DHX57: variants seen among roughly 807,000 people sequenced by gnomAD.
DHX57 encodes putative ATP-dependent RNA helicase DHX57.
Under a neutral mutation model 156.2 loss-of-function variants are expected in DHX57, and 105 were observed. That is an observed-to-expected ratio of 0.67 (90% CI 0.57 to 0.79). The LOEUF (loss-of-function observed/expected upper bound fraction) is 0.79, where lower values mean the gene tolerates loss of function less well. Ranked by LOEUF, DHX57 falls within the 30% of genes least tolerant of loss-of-function variation. The probability of loss-of-function intolerance (pLI) is 0.00; values close to 1 mark genes in which losing one functional copy is unlikely to be tolerated. For missense variants in DHX57, 1,847 were observed against 1,661.9 expected (o/e 1.11, Z -1.94); for synonymous variants, 704 against 595.6 (o/e 1.18, Z -2.65).
intron 19 of DHX57, among the ~76,000 whole-genome samples, chr2:38,816,420 TGGCCA>T (rs1163937412): frequency 1.3e-5 from 2 of 151,874 alleles, no homozygotes; most frequent in Non-Finnish European, 2.9e-5. Flanking sequence ...TTCACCATGT[TGGCCA>T]GGCTGCTCTC....
intron 15 of DHX57, 50 bp from the exon 16 acceptor site, chr2:38,826,097 C>A: frequency 6.4e-7 from 1 of 1,560,362 alleles, no homozygotes. Context: ...AAAACATGGC[C>A]AAGACTGCTT....
chr2:38,813,934 G>T (rs375666982), intron 20 of DHX57, 39 bp from the exon 21 acceptor site: 64 of 1,603,406 alleles, frequency 4.0e-5, no homozygotes, highest in Non-Finnish European at 5.0e-5. Flanking sequence ...AAGTGATATG[G>T]CTATTTCTTT....
intron 13 of DHX57, among the ~76,000 whole-genome samples, chr2:38,834,943 T>C (rs977214219): frequency 6.6e-6 from 1 of 152,184 alleles, no homozygotes; most frequent in Non-Finnish European, 1.5e-5. Context: ...AAGGCATACC[T>C]GTATGAGTCA....
At chr2:38,858,897 G>C in intron 5 of DHX57, 61 bp from the exon 6 acceptor site, 2 of 1,529,690 alleles carry the variant, frequency 1.3e-6, no homozygotes, top group Non-Finnish European at 1.8e-6. Flanking sequence ...AAAGGGGAAA[G>C]TCGCTGTCTA....
At chr2:38,859,229 C>T (rs1339543340) in intron 5 of DHX57, among the ~76,000 whole-genome samples, 1 of 152,142 alleles carries the variant, frequency 6.6e-6, no homozygotes, top group Admixed American at 6.5e-5. Flanking sequence ...TGTGCTAGAA[C>T]ACGGATGAAC....
At chr2:38,803,246 G>C (rs1368468578) in intron 22 of DHX57, among the ~76,000 whole-genome samples, 1 of 152,040 alleles carries the variant, frequency 6.6e-6, no homozygotes, top group Non-Finnish European at 1.5e-5. Flanking sequence ...CCAAATTGCT[G>C]GGATTACAGG....
rs773773866 is a variant in DHX57, at chr2:38,862,304, T to A, written c.413A>T (p.Asp138Val). The change falls in exon 4 of 24, where the codon GAT becomes GTT. Residue 138 changes from aspartate to valine, a missense_variant. Asp to Val is a radical substitution (Grantham distance 152, BLOSUM62 -3). Transcript: ENST00000457308. Reference protein sequence around the residue: ...ERGLSGEEEDDEPDCCNDERY... With the variant: ...ERGLSGEEEDVEPDCCNDERY... ...CTCATCGTTACAGCAATCAGGCTCA[T>A]CATCTTCCTCCTCCCCAGAAAGGCC... The A allele has an allele frequency of 1.9e-6, 3 of 1,596,092 alleles. No individual in the cohort carries two copies. Among genetic ancestry groups the A allele is most frequent in the South Asian group, 2.3e-5 (2 of 88,796 alleles).
chr2:38,849,433 G>T (rs570705016), intron 9 of DHX57, among the ~76,000 whole-genome samples: 1 of 152,014 alleles, frequency 6.6e-6, no homozygotes, highest in South Asian at 2.1e-4. Context: ...TTGTGCTGAC[G>T]GGGTGCGGTG....
At chr2:38,799,096 G>A (rs1377620519) in intron 23 of DHX57, among the ~76,000 whole-genome samples, 1 of 152,146 alleles carries the variant, frequency 6.6e-6, no homozygotes, top group Non-Finnish European at 1.5e-5. Flanking sequence ...GGGCCCGGTG[G>A]CTCACGCCTG....
intron 13 of DHX57, among the ~76,000 whole-genome samples, chr2:38,835,437 G>C (rs893160111): frequency 1.2e-4 from 19 of 152,136 alleles, no homozygotes; most frequent in Middle Eastern, 3.2e-3. Flanking sequence ...CCCTTTTCTG[G>C]ACTGGTTCCA....
rs1210604855 is a variant in DHX57 at position 38,826,030 on chromosome 2, C to G, written c.2831G>C (p.Gly944Ala). Residue 944 changes from glycine to alanine, a missense_variant, in exon 16 of 24, where the codon GGG becomes GCG. Physicochemically the swap from Gly to Ala is moderately conservative, Grantham distance 60 (BLOSUM62 0). Coordinates refer to ENST00000457308, the MANE Select transcript of DHX57 (RefSeq NM_198963.3). ...MKEKRYDASK[G>A]MESLEDTFVS... is the part of the protein sequence containing the mutation. ...AAAGGTGTCCTCTAGACTTTCCATC[C>G]CTTTGCTGGCATCATATCTATAAAG... The G allele has an allele frequency of 6.2e-7, 1 of 1,613,990 alleles. No homozygotes were observed.
intron 3 of DHX57, 30 bp from the exon 4 acceptor site, chr2:38,862,363 ATAT>A (rs770009087): frequency 6.8e-7 from 1 of 1,480,218 alleles, no homozygotes; most frequent in East Asian, 2.4e-5. Context: ...CATATATTAG[ATAT>A]TACTTTCTAC....
intron 17 of DHX57, among the ~76,000 whole-genome samples, chr2:38,822,260 T>G (rs1670860685): frequency 6.6e-6 from 1 of 152,070 alleles, no homozygotes; most frequent in Admixed American, 6.6e-5. Context: ...TTTGTATTTT[T>G]AGTAGAGACG....
intron 21 of DHX57, among the ~76,000 whole-genome samples, chr2:38,813,065 C>T (rs1670352989): frequency 6.6e-6 from 1 of 152,036 alleles, no homozygotes; most frequent in South Asian, 2.1e-4. Context: ...CCAGGAGGGT[C>T]TTAAACTCCT....
intron 12 of DHX57, among the ~76,000 whole-genome samples, chr2:38,842,529 AG>A (rs1188929024): frequency 1.3e-5 from 2 of 152,184 alleles, no homozygotes; most frequent in African/African-American, 2.4e-5. Flanking sequence ...TTAAGGGTAA[AG>A]GAGCATCATA....
At chr2:38,833,076 C>A (rs1161241423) in intron 13 of DHX57, among the ~76,000 whole-genome samples, 2 of 148,658 alleles carry the variant, frequency 1.3e-5, no homozygotes, top group Non-Finnish European at 3.0e-5. Context: ...TCTTAAGGAG[C>A]TTATATCCTA....
rs1672819380 is a variant in DHX57, at chr2:38,855,097, C to A, written c.1865G>T (p.Gly622Val). Reference sequence around the variant, plus strand: ...CCGAATCTGGTATCCCACGGTCAGACCCACCCTCTCTGCTCTTTCTTTAGC... The same window carrying A: ...CCGAATCTGGTATCCCACGGTCAGAACCACCCTCTCTGCTCTTTCTTTAGC... ...RVAKERAERV[G>V]LTVGYQIRLE... Residue 622 changes from glycine to valine, a missense_variant, in exon 8 of 24, where the codon GGT becomes GTT. Physicochemically the swap from Gly to Val is moderately radical, Grantham distance 109. Transcript: ENST00000457308. The A allele has an allele frequency of 6.2e-7, 1 of 1,613,968 alleles. No individual in the cohort carries two copies. The highest frequency in any genetic ancestry group is 1.7e-5 in the Admixed American group (1 of 59,988).
intron 22 of DHX57, 140 bp from the exon 23 acceptor site, chr2:38,803,055 G>T (rs1306080377): frequency 1.5e-5 from 12 of 775,306 alleles, no homozygotes; most frequent in Non-Finnish European, 2.5e-5. Context: ...CTGAGCTCCA[G>T]ATCTGCAGTA....
In DHX57 at chr2:38,819,120, C is replaced by A; in HGVS notation, c.3316G>T (p.Glu1106Ter). The A allele has an allele frequency of 6.2e-7, 1 of 1,613,964 alleles. No individual in the cohort carries two copies. Among genetic ancestry groups the A allele is most frequent in the Non-Finnish European group, 8.5e-7 (1 of 1,180,000 alleles). Residue 1106 changes from glutamate (E) to a stop codon, truncating the protein, a stop_gained, in exon 18 of 24, where the codon GAA becomes TAA. Coordinates refer to ENST00000457308, the MANE Select transcript of DHX57 (RefSeq NM_198963.3). LOFTEE classifies it high-confidence loss of function. ...AATTCCAGCTTTTTCTGGTTAGCTT[C>A]TTCTTTTTTATCCCAGGGAGATACC... is the stretch of plus-strand genomic sequence containing the variant. ...PFVSPWDKKE[E>*]ANQKKLEFAF...
Sources: allele counts gnomAD v4.1 joint callset (sites outside exome capture counted in the v4.1 genomes callset), GRCh38; gene constraint gnomAD v4.1.1; transcripts MANE v1.5; gene names NCBI Gene and HGNC (gene_info 2026-07-23, HGNC 2026-07-21).